PPM1E: variants seen among roughly 807,000 people sequenced by gnomAD.
The protein encoded by PPM1E is protein phosphatase, Mg2+/Mn2+ dependent 1E.
PPM1E carries 20 observed loss-of-function variants against 65.9 expected under a neutral mutation model. The ratio of observed to expected loss-of-function variants is 0.30; its 90% CI spans 0.21 to 0.44. The LOEUF (loss-of-function observed/expected upper bound fraction) is 0.44, where lower values mean the gene tolerates loss of function less well. PPM1E is among the 20% of genes least tolerant of loss of function. The probability of loss-of-function intolerance (pLI) is 1.00; values close to 1 mark genes in which losing one functional copy is unlikely to be tolerated. For synonymous variants in PPM1E, 352 were observed against 374.9 expected (o/e 0.94, Z 0.70); for missense variants, 713 against 953.1 (o/e 0.75, Z 3.32).
intron 1 of PPM1E, among the ~76,000 whole-genome samples, chr17:58,785,949 A>G (rs941425036): frequency 2.0e-5 from 3 of 151,862 alleles, no homozygotes; most frequent in Admixed American, 6.6e-5. Flanking sequence ...CATTCTTACC[A>G]TAAATCTCAG....
intron 1 of PPM1E, among the ~76,000 whole-genome samples, chr17:58,757,032 A>G (rs1318426544): frequency 6.6e-6 from 1 of 152,158 alleles, no homozygotes; most frequent in Admixed American, 6.6e-5. Context: ...AATGGAGTAG[A>G]TTTTCCGTCA....
At chr17:58,923,761 A>G (rs2051785579) in intron 1 of PPM1E, among the ~76,000 whole-genome samples, 2 of 151,402 alleles carry the variant, frequency 1.3e-5, no homozygotes, top group South Asian at 4.2e-4. Flanking sequence ...AAAAAAAAAA[A>G]AAAGTCATTT....
intron 1 of PPM1E, among the ~76,000 whole-genome samples, chr17:58,845,171 G>A (rs2050758349): frequency 6.6e-6 from 1 of 152,076 alleles, no homozygotes; most frequent in African/African-American, 2.4e-5. Context: ...AAATATTTGG[G>A]TATATTGTTG....
Position 58,913,325 on chromosome 17 carries a change from A to G in PPM1E, c.465-42324A>G, listed in dbSNP as rs548411386. 5.9e-5 allele frequency among the ~76,000 whole-genome samples: 9 copies of G among 152,252 alleles called. No individual in the cohort carries two copies. In the South Asian group the frequency reaches 1.2e-3, roughly 21 times the overall value. On this transcript the variant is annotated intron_variant, in intron 1 of 6. Transcript: ENST00000308249. ...GTAGGAAAAGTGTTTGATTTTTCCC[A>G]TGTCCTACAGTTAGCAAGGTAATAA...
rs922796424 is a variant in PPM1E, at chr17:58,810,571, A to T, written c.464+54110A>T. Among the ~76,000 whole-genome samples the T allele has an allele frequency of 3.3e-5, 5 of 152,132 alleles. No individual in the cohort carries two copies. In the South Asian group the frequency reaches 8.3e-4, roughly 25 times the overall value. ...ATATATATATTTTTGTGATGTTAAG[A>T]TTGGTCCAAAAGTTCAAGTGCCGTC... On this transcript the variant is annotated intron_variant, in intron 1 of 6. Coordinates refer to ENST00000308249, the MANE Select transcript of PPM1E (RefSeq NM_014906.5).
intron 1 of PPM1E, among the ~76,000 whole-genome samples, chr17:58,934,704 A>T (rs2051952794): frequency 6.6e-6 from 1 of 152,140 alleles, no homozygotes; most frequent in Non-Finnish European, 1.5e-5. Flanking sequence ...AGGCGGGTGG[A>T]TCGCTTGAGG....
At chr17:58,899,451 G>T in intron 1 of PPM1E, 1 of 220,088 alleles carries the variant, frequency 4.5e-6, no homozygotes, top group Admixed American at 4.1e-5. Flanking sequence ...GGCTTTGTGT[G>T]CTTGCATCCA....
Position 58,980,449 on chromosome 17 carries a change from C to G in PPM1E, c.1686C>G (p.Asn562Lys). Residue 562 changes from asparagine (N) to lysine (K), a missense_variant, in exon 7 of 7, where the codon AAC becomes AAG. Physicochemically the swap from Asn to Lys is moderately conservative, Grantham distance 94. Coordinates refer to ENST00000308249, the MANE Select transcript of PPM1E (RefSeq NM_014906.5). The surrounding 1 kb of genome is among the most constrained non-coding windows in gnomAD (Gnocchi z 4.7). ...RTSLSPGSQI[N>K]VLEDPGYLDL... ...GCCTGAGCCCAGGGTCCCAAATCAACGTGCTGGAAGACCCAGGCTACCTAG... is the reference window on the plus strand; with the variant it reads ...GCCTGAGCCCAGGGTCCCAAATCAAGGTGCTGGAAGACCCAGGCTACCTAG... The G allele has an allele frequency of 6.2e-7, 1 of 1,614,118 alleles. No individual in the cohort carries two copies.
intron 1 of PPM1E, among the ~76,000 whole-genome samples, chr17:58,890,432 A>G (rs1314718091): frequency 6.6e-6 from 1 of 152,200 alleles, no homozygotes; most frequent in Non-Finnish European, 1.5e-5. Context: ...GAGAGCTAAA[A>G]CAAGAAGGCA....
intron 1 of PPM1E, among the ~76,000 whole-genome samples, chr17:58,827,891 G>T (rs1294416958): frequency 3.5e-5 from 4 of 115,068 alleles, no homozygotes; most frequent in Non-Finnish European, 6.9e-5. Flanking sequence ...GACAGAGCGA[G>T]ACTCCATCTC....
chr17:58,857,492 T>C (rs2050895455), intron 1 of PPM1E, among the ~76,000 whole-genome samples: 1 of 152,144 alleles, frequency 6.6e-6, no homozygotes, highest in South Asian at 2.1e-4. Flanking sequence ...TGCTTCAGTT[T>C]CTCTATCTGT....
intron 1 of PPM1E, among the ~76,000 whole-genome samples, chr17:58,930,284 C>CACACAG (rs2051877777): frequency 6.6e-6 from 1 of 150,834 alleles, no homozygotes; most frequent in Non-Finnish European, 1.5e-5. Context: ...CACACACACA[C>CACACAG]AGACACACAC....
chr17:58,945,184 A>C lies in PPM1E; in HGVS notation c.465-10465A>C, dbSNP rs534817484. 4.6e-5 allele frequency among the ~76,000 whole-genome samples: 7 copies of C among 150,584 alleles called. No homozygotes were observed. In the South Asian group the frequency reaches 1.5e-3, roughly 32 times the overall value. On this transcript the variant is annotated intron_variant, in intron 1 of 6. Coordinates refer to ENST00000308249, the MANE Select transcript of PPM1E (RefSeq NM_014906.5). ...TTTCGAGACTGAGTCTCACTCTGTC[A>C]TACAGACTGGAGTGCAGTGGCATGA...
chr17:58,935,506 T>C (rs1170252895), intron 1 of PPM1E, among the ~76,000 whole-genome samples: 2 of 152,118 alleles, frequency 1.3e-5, no homozygotes, highest in Admixed American at 6.6e-5. Context: ...GAATAGACTA[T>C]TGGATTTAGC....
At chr17:58,868,905 A>G (rs993856928) in intron 1 of PPM1E, among the ~76,000 whole-genome samples, 1 of 152,176 alleles carries the variant, frequency 6.6e-6, no homozygotes, top group Non-Finnish European at 1.5e-5. Context: ...TATGGCTCAC[A>G]TCTGTAATCC....
At chr17:58,815,005 C>A (rs1038738246) in intron 1 of PPM1E, among the ~76,000 whole-genome samples, 1 of 152,182 alleles carries the variant, frequency 6.6e-6, no homozygotes, top group Non-Finnish European at 1.5e-5. Context: ...GAATCCTCAA[C>A]GATAAAAGTC....
intron 1 of PPM1E, among the ~76,000 whole-genome samples, chr17:58,868,892 C>T (rs1469844711): frequency 6.6e-6 from 1 of 152,152 alleles, no homozygotes; most frequent in Non-Finnish European, 1.5e-5. Context: ...CAAGGCCAGG[C>T]ACTATGGCTC....
chr17:58,904,440 C>G (rs1226404446), intron 1 of PPM1E, among the ~76,000 whole-genome samples: 1 of 152,156 alleles, frequency 6.6e-6, no homozygotes, highest in Non-Finnish European at 1.5e-5. Context: ...ATAAGATTGT[C>G]TTTCTACCTA....
chr17:58,812,248 G>C (rs1354189043), intron 1 of PPM1E, among the ~76,000 whole-genome samples: 1 of 130,140 alleles, frequency 7.7e-6, no homozygotes, highest in Non-Finnish European at 1.5e-5. Context: ...AGCTTGTAAC[G>C]AGCCCACATT....
Sources: gnomAD v4.1 joint callset for allele counts (sites outside exome capture counted in the v4.1 genomes callset) on GRCh38, gnomAD v4.1.1 for gene constraint, Gnocchi (gnomAD v3.1) non-coding constraint, MANE v1.5 for transcripts, NCBI Gene and HGNC (gene_info 2026-07-23, HGNC 2026-07-21) for gene names.